The following ASTN2 variants were observed in gnomAD, a reference collection of about 807,000 sequenced individuals.
ASTN2 encodes astrotactin 2, also known as astrotactin-2.
Under a neutral mutation model 139.8 loss-of-function variants are expected in ASTN2, and 54 were observed. The ratio of observed to expected loss-of-function variants is 0.39; its 90% CI spans 0.31 to 0.48. The LOEUF (loss-of-function observed/expected upper bound fraction) is 0.48, where lower values mean the gene tolerates loss of function less well. Ranked by LOEUF, ASTN2 falls within the 20% of genes least tolerant of loss-of-function variation. The pLI is 0.95. For synonymous variants in ASTN2, 756 were observed against 719.5 expected, an observed-to-expected ratio of 1.05 and a Z score of -0.81; for missense variants, 1,565 against 1,725.1, an observed-to-expected ratio of 0.91 and a Z score of 1.64.
rs537485154 is a variant in ASTN2 at position 117,030,450 on chromosome 9, T to C, written c.1423+9369A>G. On this transcript the variant is annotated intron_variant, in intron 6 of 22. Coordinates refer to ENST00000313400, the MANE Select transcript of ASTN2 (RefSeq NM_001365068.1). ...TCAAAACACAGAAATTAGTCTCCAA[T>C]TTTGGACGTCAAACTCAGTTATCTC... Among the ~76,000 whole-genome samples, 78 of 152,322 alleles carry C rather than the reference T, an allele frequency of 5.1e-4. 1 individual carries two copies. In the South Asian group the frequency reaches 0.012, roughly 23 times the overall value.
At chr9:117,244,067 T>C (rs2133078484) in intron 2 of ASTN2, among the ~76,000 whole-genome samples, 1 of 152,240 alleles carries the variant, frequency 6.6e-6, no homozygotes, top group South Asian at 2.1e-4. Flanking sequence ...TATGATGGTT[T>C]TATAAGCATC....
chr9:117,255,452 G>C (rs1833658659), intron 2 of ASTN2, among the ~76,000 whole-genome samples: 1 of 152,182 alleles, frequency 6.6e-6, no homozygotes. Context: ...TAAAGAAACA[G>C]GCTCACAAAT....
intron 13 of ASTN2, among the ~76,000 whole-genome samples, chr9:116,777,370 G>A (rs916028009): frequency 6.6e-6 from 1 of 152,072 alleles, no homozygotes; most frequent in African/African-American, 2.4e-5. Context: ...CATTATTCAC[G>A]GTCCTCGTAA....
At chr9:117,057,092 T>C (rs1203076778) in intron 5 of ASTN2, among the ~76,000 whole-genome samples, 1 of 152,248 alleles carries the variant, frequency 6.6e-6, no homozygotes, top group Non-Finnish European at 1.5e-5. Context: ...TCTTTATGCA[T>C]GTAAAGCCTT....
At chr9:116,757,446 G>A (rs1249031435) in intron 13 of ASTN2, among the ~76,000 whole-genome samples, 1 of 152,180 alleles carries the variant, frequency 6.6e-6, no homozygotes, top group East Asian at 1.9e-4. Context: ...TGTGAGATAT[G>A]TGGGTGGTTG....
At chr9:116,563,125 C>G (rs964577254) in intron 19 of ASTN2, among the ~76,000 whole-genome samples, 1 of 152,042 alleles carries the variant, frequency 6.6e-6, no homozygotes, top group Non-Finnish European at 1.5e-5. Flanking sequence ...CCTGTAATCC[C>G]AGCACTTTGG....
At position 116,551,526 on chromosome 9, in the gene ASTN2, A is replaced by G. The variant is rs149626158; in HGVS notation, c.3356-64026T>C. Among the ~76,000 whole-genome samples the G allele has an allele frequency of 3.3e-4, 50 of 152,254 alleles. 1 individual carries two copies. The East Asian group carries it at 8.3e-3, about 25-fold the overall frequency. On this transcript the variant is annotated intron_variant, in intron 19 of 22. Transcript: ENST00000313400. ...TCCTGACTCCTTGGGACTCAGTTCT[A>G]TCAGTTACTGTATTTCCTTTCCTCT...
chr9:117,032,012 G>A (rs1347126581), intron 6 of ASTN2, among the ~76,000 whole-genome samples: 1 of 152,178 alleles, frequency 6.6e-6, no homozygotes, highest in Admixed American at 6.5e-5. Flanking sequence ...AGAGAGCCTA[G>A]ACTTAAAGCA....
intron 1 of ASTN2, among the ~76,000 whole-genome samples, chr9:117,343,265 C>A (rs1829115244): frequency 6.6e-6 from 1 of 152,182 alleles, no homozygotes; most frequent in Non-Finnish European, 1.5e-5. Flanking sequence ...GAAGTCAAAT[C>A]TCCCTCTGCT....
chr9:116,965,290 T>C (rs578048047), intron 10 of ASTN2, among the ~76,000 whole-genome samples: 1 of 152,324 alleles, frequency 6.6e-6, no homozygotes, highest in Non-Finnish European at 1.5e-5. Flanking sequence ...TTTGAAGACA[T>C]GGGTTGGAAT....
intron 1 of ASTN2, among the ~76,000 whole-genome samples, chr9:117,366,613 T>C (rs1042004688): frequency 6.6e-6 from 1 of 152,110 alleles, no homozygotes; most frequent in African/African-American, 2.4e-5. Flanking sequence ...AGTACCCAAT[T>C]TTTCCTGCAT....
intron 2 of ASTN2, among the ~76,000 whole-genome samples, chr9:117,269,645 G>A: frequency 6.6e-6 from 1 of 152,202 alleles, no homozygotes; most frequent in Non-Finnish European, 1.5e-5. Flanking sequence ...GAGAGCTGAG[G>A]TTCAGCGTGG....
chr9:116,787,186 A>G (rs557760161), intron 13 of ASTN2, among the ~76,000 whole-genome samples: 1 of 152,276 alleles, frequency 6.6e-6, no homozygotes, highest in South Asian at 2.1e-4. Context: ...GAGATGGACA[A>G]CTCAGTGTGA....
At chr9:117,345,710 T>A (rs1036940438) in intron 1 of ASTN2, among the ~76,000 whole-genome samples, 1 of 152,178 alleles carries the variant, frequency 6.6e-6, no homozygotes, top group African/African-American at 2.4e-5. Flanking sequence ...AGGGCTTCTC[T>A]GGACAAGGTA....
At chr9:117,246,091 G>A (rs1833373541) in intron 2 of ASTN2, among the ~76,000 whole-genome samples, 1 of 151,880 alleles carries the variant, frequency 6.6e-6, no homozygotes, top group Non-Finnish European at 1.5e-5. Flanking sequence ...CTAAAGCCTT[G>A]TTCTCCCCAT....
At chr9:117,310,290 G>C (rs138987993) in intron 1 of ASTN2, among the ~76,000 whole-genome samples, 1 of 152,004 alleles carries the variant, frequency 6.6e-6, no homozygotes, top group Non-Finnish European at 1.5e-5. Context: ...TTTCTCTCTC[G>C]CACTAAGAGA....
At chr9:116,983,142 C>T (rs1836559094) in intron 7 of ASTN2, among the ~76,000 whole-genome samples, 1 of 152,178 alleles carries the variant, frequency 6.6e-6, no homozygotes, top group Non-Finnish European at 1.5e-5. Flanking sequence ...CTTCTTGTCA[C>T]TGTGGTTTGA....
chr9:116,732,899 T>C (rs932836147), intron 14 of ASTN2, among the ~76,000 whole-genome samples: 1 of 152,130 alleles, frequency 6.6e-6, no homozygotes, highest in Non-Finnish European at 1.5e-5. Context: ...ATCTATCAAA[T>C]GGTAAAAATA....
At chr9:117,103,830 A>G (rs1417299094) in intron 4 of ASTN2, among the ~76,000 whole-genome samples, 1 of 152,230 alleles carries the variant, frequency 6.6e-6, no homozygotes, top group Non-Finnish European at 1.5e-5. Flanking sequence ...AGTCATAGAA[A>G]AAGGACAGAA....
Sources: allele counts gnomAD v4.1 joint callset (sites outside exome capture counted in the v4.1 genomes callset), GRCh38; gene constraint gnomAD v4.1.1; transcripts MANE v1.5; gene names NCBI Gene and HGNC (gene_info 2026-07-23, HGNC 2026-07-21).